CIMIP2A: variants seen among roughly 807,000 people sequenced by gnomAD.
CIMIP2A encodes ciliary microtubule inner protein 2A.
At chr9:137,254,660 T>A in the CIMIP2A span, among the ~76,000 whole-genome samples, 1 of 152,094 alleles carries the variant, frequency 6.6e-6, no homozygotes, top group Non-Finnish European at 1.5e-5. Flanking sequence ...CGGCACAGCC[T>A]GCGGGAGGGC....
the CIMIP2A span, chr9:137,253,129 C>T: frequency 1.9e-6 from 3 of 1,576,378 alleles, no homozygotes; most frequent in Non-Finnish European, 2.6e-6. Flanking sequence ...AACCCCTGGC[C>T]CAGCCGCCTA....
chr9:137,252,474 C>T, the CIMIP2A span: 1 of 1,611,152 alleles, frequency 6.2e-7, no homozygotes, highest in Non-Finnish European at 8.5e-7. Context: ...CTTTGTGGTT[C>T]CAGAGCGAAA....
At chr9:137,251,243 C>T in the CIMIP2A span, 3 of 1,309,744 alleles carry the variant, frequency 2.3e-6, no homozygotes, top group Admixed American at 3.4e-5. Flanking sequence ...AGTGAGGTCA[C>T]AGAGCTCCGT....
the CIMIP2A span, chr9:137,247,583 T>C: frequency 7.2e-7 from 1 of 1,396,216 alleles, no homozygotes; most frequent in Non-Finnish European, 1.0e-6. Context: ...ACAGCTGGCC[T>C]CCATGCCTCA....
At chr9:137,243,739 G>A in the CIMIP2A span, 11 of 1,614,130 alleles carry the variant, frequency 6.8e-6, no homozygotes, top group Non-Finnish European at 9.3e-6. Context: ...CCTTCCAGTA[G>A]GCCCTCCGGG....
At chr9:137,246,717 C>T in the CIMIP2A span, among the ~76,000 whole-genome samples, 106 of 152,138 alleles carry the variant, frequency 7.0e-4, 1 homozygote, top group Non-Finnish European at 1.1e-3. Context: ...GAGCCAAGAT[C>T]GCCCCACTGC....
the CIMIP2A span, among the ~76,000 whole-genome samples, chr9:137,246,744 C>T: frequency 2.0e-5 from 3 of 151,986 alleles, no homozygotes; most frequent in Admixed American, 2.0e-4. Context: ...GCCTGGGCAA[C>T]AGAGCGAGAC....
chr9:137,253,131 A>G, the CIMIP2A span: 3 of 1,577,502 alleles, frequency 1.9e-6, no homozygotes, highest in African/African-American at 4.1e-5. Context: ...CCCCTGGCCC[A>G]GCCGCCTACC....
chr9:137,252,356 G>A, the CIMIP2A span: 3 of 1,461,884 alleles, frequency 2.1e-6, no homozygotes, highest in African/African-American at 4.2e-5. Flanking sequence ...GCCGAGGGTG[G>A]GAACCGGGAG....
the CIMIP2A span, chr9:137,251,708 T>C: frequency 3.2e-6 from 5 of 1,553,586 alleles, no homozygotes; most frequent in Middle Eastern, 1.7e-4. Context: ...GGCCGGGGGC[T>C]GAGACAGTGG....
chr9:137,248,021 G>A, the CIMIP2A span, among the ~76,000 whole-genome samples: 1 of 152,164 alleles, frequency 6.6e-6, no homozygotes, highest in East Asian at 1.9e-4. Flanking sequence ...CTGCCCCCAG[G>A]AGGCCACCAG....
chr9:137,247,848 G>A, the CIMIP2A span: 3 of 796,878 alleles, frequency 3.8e-6, no homozygotes, highest in South Asian at 1.6e-5. Context: ...AGGCCACCTC[G>A]CTAACCCTGT....
chr9:137,252,820 G>A, the CIMIP2A span: 2 of 1,568,598 alleles, frequency 1.3e-6, no homozygotes, highest in Non-Finnish European at 8.6e-7. Flanking sequence ...CCCAGTCCCT[G>A]CTTCAGGCCT....
chr9:137,252,068 G>A, the CIMIP2A span: 442 of 1,613,024 alleles, frequency 2.7e-4, 1 homozygote, highest in African/African-American at 4.7e-3. Flanking sequence ...ACCAGGTGCC[G>A]AGCCCGTCCG....
chr9:137,248,172 GC>G, the CIMIP2A span, among the ~76,000 whole-genome samples: 1 of 152,206 alleles, frequency 6.6e-6, no homozygotes, highest in Non-Finnish European at 1.5e-5. Context: ...CCTTCATGTG[GC>G]GCAGGGTGTT....
chr9:137,244,457 T>G, the CIMIP2A span: 1 of 1,503,532 alleles, frequency 6.7e-7, no homozygotes, highest in Non-Finnish European at 8.9e-7. Flanking sequence ...AGTGCAGGGA[T>G]CCAAGCAAGA....
At chr9:137,248,314 G>A in the CIMIP2A span, among the ~76,000 whole-genome samples, 111 of 152,344 alleles carry the variant, frequency 7.3e-4, no homozygotes, top group African/African-American at 2.5e-3. Flanking sequence ...TTGGGAGGCC[G>A]AGGCAGGCAG....
chr9:137,251,587 G>T, the CIMIP2A span: 1 of 1,074,800 alleles, frequency 9.3e-7, no homozygotes, highest in Non-Finnish European at 1.3e-6. Context: ...GGCTGGGAGC[G>T]GCCAGGGGCT....
At chr9:137,252,233 C>G in the CIMIP2A span, 1 of 1,482,906 alleles carries the variant, frequency 6.7e-7, no homozygotes, top group Non-Finnish European at 9.1e-7. Context: ...GGCCTGAGGG[C>G]CCCTCCACCC....
Sources: allele counts gnomAD v4.1 joint callset (sites outside exome capture counted in the v4.1 genomes callset), GRCh38; gene constraint gnomAD v4.1.1; transcripts MANE v1.5; gene names NCBI Gene and HGNC (gene_info 2026-07-23, HGNC 2026-07-21).